ATRNL1: variants seen among roughly 807,000 people sequenced by gnomAD.
ATRNL1 encodes attractin-like protein 1.
A neutral mutation model predicts 182.7 loss-of-function variants in ATRNL1; 95 were observed. That is an observed-to-expected ratio of 0.52 (90% CI 0.44 to 0.62). The LOEUF is 0.62. Ranked by LOEUF, ATRNL1 falls within the 20% of genes least tolerant of loss-of-function variation. The probability of loss-of-function intolerance (pLI) is 0.00; values close to 1 mark genes in which losing one functional copy is unlikely to be tolerated. For missense variants in ATRNL1, 1,471 were observed against 1,679.5 expected (o/e 0.88, Z 2.17); for synonymous variants, 576 against 568.3 (o/e 1.01, Z -0.19).
chr10:115,860,694 C>CA (rs782012666), intron 28 of ATRNL1, among the ~76,000 whole-genome samples: 1 of 152,190 alleles, frequency 6.6e-6, no homozygotes, highest in Non-Finnish European at 1.5e-5. Context: ...CTTGGACAGA[C>CA]AGACTGTTTC....
chr10:115,703,154 T>A (rs1946791858), intron 26 of ATRNL1, among the ~76,000 whole-genome samples: 1 of 151,866 alleles, frequency 6.6e-6, no homozygotes, highest in South Asian at 2.1e-4. Flanking sequence ...AAATAAGCAA[T>A]GAATAAATGA....
At chr10:115,195,900 G>A (rs183391872) in intron 8 of ATRNL1, among the ~76,000 whole-genome samples, 30 of 152,134 alleles carry the variant, frequency 2.0e-4, no homozygotes, top group Admixed American at 1.8e-3. Flanking sequence ...TTTTTCTCAT[G>A]CGTTTTCTAG....
intron 28 of ATRNL1, among the ~76,000 whole-genome samples, chr10:115,933,775 C>T (rs1468064206): frequency 6.6e-6 from 1 of 152,182 alleles, no homozygotes; most frequent in African/African-American, 2.4e-5. Flanking sequence ...AGCTACTGAC[C>T]AGTGTTACAG....
intron 28 of ATRNL1, among the ~76,000 whole-genome samples, chr10:115,930,367 A>G (rs10490987): frequency 0.18 from 26,903 of 152,128 alleles, 2,460 homozygotes; most frequent in Non-Finnish European, 0.2. Context: ...CATAAGCCTC[A>G]GAACGTGTCA....
intron 28 of ATRNL1, among the ~76,000 whole-genome samples, chr10:115,902,264 A>G (rs567617151): frequency 6.6e-6 from 1 of 152,170 alleles, no homozygotes; most frequent in African/African-American, 2.4e-5. Flanking sequence ...CTAAAGAACA[A>G]AATTACCTAT....
At chr10:115,235,631 T>C (rs988768148) in intron 9 of ATRNL1, among the ~76,000 whole-genome samples, 1 of 152,186 alleles carries the variant, frequency 6.6e-6, no homozygotes, top group Non-Finnish European at 1.5e-5. Flanking sequence ...TAAAAATCTA[T>C]TTGTCAATTA....
intron 27 of ATRNL1, among the ~76,000 whole-genome samples, chr10:115,840,085 G>A (rs1192841072): frequency 3.9e-5 from 6 of 152,100 alleles, no homozygotes; most frequent in Admixed American, 1.3e-4. Context: ...AGGTGCCAGG[G>A]AAAGTCTGTT....
At chr10:115,470,670 A>T (rs1848266281) in intron 24 of ATRNL1, among the ~76,000 whole-genome samples, 1 of 150,582 alleles carries the variant, frequency 6.6e-6, no homozygotes, top group Non-Finnish European at 1.5e-5. Context: ...ATGGTTAGGA[A>T]TTAACTTTCT....
intron 24 of ATRNL1, among the ~76,000 whole-genome samples, chr10:115,516,952 C>T (rs557990865): frequency 6.6e-6 from 1 of 152,000 alleles, no homozygotes; most frequent in South Asian, 2.1e-4. Context: ...TGATATCCCC[C>T]TACAAGTTCA....
chr10:115,828,373 G>A (rs1333833755), intron 27 of ATRNL1, among the ~76,000 whole-genome samples: 1 of 152,156 alleles, frequency 6.6e-6, no homozygotes, highest in Non-Finnish European at 1.5e-5. Flanking sequence ...TGCAAGGCTT[G>A]GAAGAGCAGA....
chr10:115,750,870 C>T (rs1227738027), intron 27 of ATRNL1, among the ~76,000 whole-genome samples: 1 of 151,972 alleles, frequency 6.6e-6, no homozygotes, highest in African/African-American at 2.4e-5. Context: ...TGTTCCAATT[C>T]ACTCATAAAA....
chr10:115,666,952 G>A (rs559631811), intron 26 of ATRNL1, among the ~76,000 whole-genome samples: 162 of 152,176 alleles, frequency 1.1e-3, no homozygotes, highest in Non-Finnish European at 1.6e-3. Flanking sequence ...CTAAGGGAGG[G>A]GACAGTGCTC....
chr10:115,647,257 CAT>C (rs1467484258), intron 26 of ATRNL1, among the ~76,000 whole-genome samples: 1 of 152,088 alleles, frequency 6.6e-6, no homozygotes, highest in Admixed American at 6.6e-5. Context: ...CCACAGTAAA[CAT>C]ATGTGTGCAT....
intron 25 of ATRNL1, among the ~76,000 whole-genome samples, chr10:115,533,008 C>G (rs1414256491): frequency 6.6e-6 from 1 of 151,816 alleles, no homozygotes; most frequent in South Asian, 2.1e-4. Flanking sequence ...CTGCTGGATT[C>G]GGTTTGCCAG....
intron 27 of ATRNL1, among the ~76,000 whole-genome samples, chr10:115,834,913 T>A (rs1555094926): frequency 6.6e-6 from 1 of 152,226 alleles, no homozygotes. Flanking sequence ...GATGACATAT[T>A]CATGTTCTGG....
chr10:115,758,954 A>T (rs1285285889), intron 27 of ATRNL1, among the ~76,000 whole-genome samples: 2 of 152,186 alleles, frequency 1.3e-5, no homozygotes, highest in Non-Finnish European at 2.9e-5. Context: ...TTGTTTTTAT[A>T]AAAAAACTTT....
chr10:115,461,960 T>C lies in ATRNL1; in HGVS notation c.3342T>C (p.Tyr1114=). 3 of 1,610,628 alleles carry C rather than the reference T, an allele frequency of 1.9e-6. No homozygotes were observed. The highest frequency in any genetic ancestry group is 2.2e-5 in the East Asian group (1 of 44,608). Residue 1114 remains tyrosine (Y), a synonymous_variant, in exon 22 of 29, where the codon TAT becomes TAC. Transcript: ENST00000355044. ...CTACAGACAGCCTTTTGATTGATTA[T>C]CAATTTACCTTCAGCTTATTACAGG... The part of the protein sequence containing the change: ...GTCYYSLLID[Y]QFTFSLLQED...
intron 27 of ATRNL1, among the ~76,000 whole-genome samples, chr10:115,742,544 A>G (rs781837646): frequency 2.0e-5 from 3 of 152,180 alleles, no homozygotes; most frequent in Non-Finnish European, 2.9e-5. Flanking sequence ...TTCAAAGGCT[A>G]TGATGGTTAA....
chr10:115,845,809 T>C (rs1370231581), intron 27 of ATRNL1, among the ~76,000 whole-genome samples: 3 of 152,044 alleles, frequency 2.0e-5, no homozygotes, highest in African/African-American at 7.2e-5. Context: ...AAATGATTGA[T>C]TGTTTCTTAG....
Sources: gnomAD v4.1 joint callset for allele counts (sites outside exome capture counted in the v4.1 genomes callset) on GRCh38, gnomAD v4.1.1 for gene constraint, MANE v1.5 for transcripts, NCBI Gene and HGNC (gene_info 2026-07-23, HGNC 2026-07-21) for gene names.